Variants in VTI1A observed in about 807,000 individuals in gnomAD.
VTI1A encodes vesicle transport through interaction with t-SNAREs 1A, also known as vesicle transport through interaction with t-SNAREs homolog 1A.
Under a neutral mutation model 34.9 loss-of-function variants are expected in VTI1A, and 22 were observed. That is an observed-to-expected ratio of 0.63 (90% CI 0.45 to 0.90). The LOEUF is 0.90. VTI1A is among the 40% of genes least tolerant of loss of function. The pLI, the probability that VTI1A is intolerant of heterozygous loss-of-function variation, is 0.00. For synonymous variants in VTI1A, 87 were observed against 97.3 expected, an observed-to-expected ratio of 0.89 and a Z score of 0.62; for missense variants, 268 against 275.6, an observed-to-expected ratio of 0.97 and a Z score of 0.20.
chr10:112,670,005 C>T (rs377467364), intron 7 of VTI1A, among the ~76,000 whole-genome samples: 1 of 152,116 alleles, frequency 6.6e-6, no homozygotes, highest in South Asian at 2.1e-4. Context: ...TATAATGTGA[C>T]ATTTCCCCTC....
chr10:112,548,840 C>A, intron 5 of VTI1A: 1 of 1,491,014 alleles, frequency 6.7e-7, no homozygotes. Flanking sequence ...AATTTAGGGC[C>A]ATCTTCCAGC....
chr10:112,518,668 T>TAC (rs201586494), intron 3 of VTI1A, among the ~76,000 whole-genome samples: 10,166 of 124,946 alleles, frequency 0.081, 519 homozygotes, highest in East Asian at 0.27. Flanking sequence ...TATATATATA[T>TAC]ACACACACAC....
chr10:112,455,657 CCCTTCCTCCCTT>C (rs1211611469), intron 1 of VTI1A, among the ~76,000 whole-genome samples: 1 of 109,740 alleles, frequency 9.1e-6, no homozygotes, highest in Non-Finnish European at 1.8e-5. Context: ...TCCCCTCCCT[CCCTTCCTCCCTT>C]CCTTCCTTCC....
intron 5 of VTI1A, among the ~76,000 whole-genome samples, chr10:112,611,415 G>A (rs748362606): frequency 2.6e-4 from 40 of 152,082 alleles, no homozygotes; most frequent in Non-Finnish European, 5.4e-4. Context: ...CTTCCAATAC[G>A]GCAGTTCCTT....
Position 112,816,248 on chromosome 10 carries a change from G to T in VTI1A, c.*865G>T. The T allele has an allele frequency of 4.7e-6, 1 of 214,928 alleles. No individual in the cohort carries two copies. Among genetic ancestry groups the T allele is most frequent in the East Asian group, 6.9e-5 (1 of 14,408 alleles). The allele number at this position is 214,928 out of a possible 1,614,324, so 13.3% of individuals were successfully genotyped here. On this transcript the variant is annotated 3_prime_UTR_variant, in exon 8 of 8. Transcript: ENST00000393077. ...TCATACTTGCAAAAGGTCTGACAAGGTTCTCTCCACATACATTCCAGTATG... is the reference window on the plus strand; with the variant it reads ...TCATACTTGCAAAAGGTCTGACAAGTTTCTCTCCACATACATTCCAGTATG...
chr10:112,571,712 A>C (rs1421810905), intron 5 of VTI1A, among the ~76,000 whole-genome samples: 1 of 152,298 alleles, frequency 6.6e-6, no homozygotes, highest in East Asian at 1.9e-4. Context: ...TGCCCTTCAC[A>C]ATAGCAAAAA....
chr10:112,459,702 G>A (rs1847665561), intron 1 of VTI1A, among the ~76,000 whole-genome samples: 1 of 152,148 alleles, frequency 6.6e-6, no homozygotes, highest in South Asian at 2.1e-4. Context: ...TAGGGTATGT[G>A]AACAAATAGG....
chr10:112,569,659 A>G (rs1157844242), intron 5 of VTI1A, among the ~76,000 whole-genome samples: 2 of 152,142 alleles, frequency 1.3e-5, no homozygotes, highest in African/African-American at 4.8e-5. Context: ...AAACTTTGGA[A>G]GGTGGTGATA....
chr10:112,527,924 C>G (rs1275351593), intron 4 of VTI1A, among the ~76,000 whole-genome samples: 1 of 151,888 alleles, frequency 6.6e-6, no homozygotes, highest in African/African-American at 2.4e-5. Context: ...CATGTAGATA[C>G]TATATACAAC....
chr10:112,659,617 T>A (rs1316887655), intron 5 of VTI1A, among the ~76,000 whole-genome samples: 1 of 152,148 alleles, frequency 6.6e-6, no homozygotes, highest in African/African-American at 2.4e-5. Context: ...AATGATAGAT[T>A]TGATCATCTT....
chr10:112,489,313 A>C (rs1196903829), intron 3 of VTI1A, among the ~76,000 whole-genome samples: 3 of 152,274 alleles, frequency 2.0e-5, no homozygotes, highest in Non-Finnish European at 4.4e-5. Flanking sequence ...TACTCCCTGA[A>C]TCTCTGCTTT....
chr10:112,824,262 T>C, the VTI1A span: 1 of 152,226 alleles, frequency 6.6e-6, no homozygotes, highest in Admixed American at 6.5e-5. Context: ...ACTTTTTTAT[T>C]AAACCAACAT....
At chr10:112,527,039 A>G in intron 3 of VTI1A, 48 bp from the exon 4 acceptor site, 2 of 1,590,840 alleles carry the variant, frequency 1.3e-6, no homozygotes, top group Non-Finnish European at 1.7e-6. Flanking sequence ...GGAAGCTTTT[A>G]CTTTCTAACG....
intron 7 of VTI1A, among the ~76,000 whole-genome samples, chr10:112,727,995 T>C (rs1423309526): frequency 6.6e-6 from 1 of 152,044 alleles, no homozygotes; most frequent in Admixed American, 6.6e-5. Flanking sequence ...ACCACCCCCA[T>C]ACCCAGTAGG....
intron 7 of VTI1A, among the ~76,000 whole-genome samples, chr10:112,790,823 T>A (rs926825289): frequency 6.6e-6 from 1 of 151,012 alleles, no homozygotes; most frequent in Admixed American, 6.6e-5. Context: ...TTTGCCGACC[T>A]CTTCGCTCAT....
At chr10:112,798,461 G>A (rs996864112) in intron 7 of VTI1A, among the ~76,000 whole-genome samples, 5 of 152,136 alleles carry the variant, frequency 3.3e-5, no homozygotes, top group African/African-American at 1.2e-4. Flanking sequence ...TGAAGGGAGT[G>A]TCCCCAAAGA....
chr10:112,506,727 T>A (rs2134168471), intron 3 of VTI1A, among the ~76,000 whole-genome samples: 1 of 152,342 alleles, frequency 6.6e-6, no homozygotes, highest in Admixed American at 6.5e-5. Flanking sequence ...AAATCTCATT[T>A]CCATTGAGTG....
intron 5 of VTI1A, among the ~76,000 whole-genome samples, chr10:112,573,942 A>C (rs547991344): frequency 3.9e-5 from 6 of 152,330 alleles, no homozygotes; most frequent in African/African-American, 1.4e-4. Flanking sequence ...CTTCCCCCAG[A>C]AGCTTCAGAA....
intron 7 of VTI1A, among the ~76,000 whole-genome samples, chr10:112,718,106 AT>A (rs1243436102): frequency 6.6e-6 from 1 of 152,194 alleles, no homozygotes; most frequent in Non-Finnish European, 1.5e-5. Flanking sequence ...ATAAGGATGT[AT>A]CCTGTTGCCC....
Sources: allele counts gnomAD v4.1 joint callset (sites outside exome capture counted in the v4.1 genomes callset), GRCh38; gene constraint gnomAD v4.1.1; transcripts MANE v1.5; gene names NCBI Gene and HGNC (gene_info 2026-07-23, HGNC 2026-07-21).